IARS1: variants seen among roughly 807,000 people sequenced by gnomAD.
IARS1 encodes isoleucine--tRNA ligase, cytoplasmic.
Under a neutral mutation model 168.2 loss-of-function variants are expected in IARS1, and 124 were observed. The observed-to-expected ratio is 0.74, with a 90% CI of 0.64 to 0.86. IARS1 has a LOEUF of 0.86. Among genes scored for constraint, IARS1 ranks in the 40% least tolerant of loss-of-function variants. IARS1 has a pLI of 0.00. For missense variants in IARS1, 1,452 were observed against 1,515.8 expected (o/e 0.96, Z 0.70); for synonymous variants, 532 against 529.4 (o/e 1.00, Z -0.07).
chr9:92,262,363 A>G (rs1831645269), intron 17 of IARS1, among the ~76,000 whole-genome samples: 1 of 152,160 alleles, frequency 6.6e-6, no homozygotes, highest in African/African-American at 2.4e-5. Context: ...CTGTGTGGGT[A>G]CTCAGCACAA....
chr9:92,266,467 C>G (rs1030640498), intron 14 of IARS1, among the ~76,000 whole-genome samples: 7 of 152,234 alleles, frequency 4.6e-5, no homozygotes, highest in African/African-American at 1.4e-4. Flanking sequence ...CAAACCTGTA[C>G]AGCATGTGGC....
chr9:92,277,895 T>C lies in IARS1; in HGVS notation c.862A>G (p.Lys288Glu). ...RFPGAYLKGKKYRPLFDYFLK... is the reference protein window; with the variant it reads ...RFPGAYLKGKEYRPLFDYFLK... ...AAATAGTCAAACAGGGGCCTGTACT[T>C]CTTGCCTTTAAGATAGGCACCAGGA... The change falls in exon 9 of 34, where the codon AAG becomes GAG. Residue 288 changes from lysine (K) to glutamate (E), a missense_variant. Transcript: ENST00000443024. 1 of 1,613,892 alleles carries C rather than the reference T, an allele frequency of 6.2e-7. No homozygotes were observed. Among genetic ancestry groups the C allele is most frequent in the Non-Finnish European group, 8.5e-7 (1 of 1,179,922 alleles).
intron 16 of IARS1, among the ~76,000 whole-genome samples, chr9:92,263,595 C>A (rs1458713275): frequency 6.6e-6 from 1 of 152,192 alleles, no homozygotes; most frequent in Admixed American, 6.5e-5. Context: ...GCCTCTCTTA[C>A]CTAGTCCTGC....
At position 92,245,039 on chromosome 9, in the gene IARS1, C is replaced by T. The variant is rs1828982280; in HGVS notation, c.2824G>A (p.Asp942Asn). The T allele has an allele frequency of 1.2e-5, 19 of 1,614,170 alleles. No individual in the cohort carries two copies. The highest frequency in any genetic ancestry group is 1.5e-5 in the Non-Finnish European group (18 of 1,180,010). The change falls in exon 27 of 34, where the codon GAT (aspartate) becomes AAT (asparagine). Residue 942 changes from aspartate to asparagine, a missense_variant. Coordinates refer to ENST00000443024, the MANE Select transcript of IARS1 (RefSeq NM_002161.6). ...GTGTACATGAGGCGGATGTCTTCAT[C>T]GTGCAATTCATGGCCTTCCACAACA... ...TIVVEGHELH[D>N]EDIRLMYTFD...
intron 6 of IARS1, among the ~76,000 whole-genome samples, chr9:92,283,621 T>G (rs1834983416): frequency 6.6e-6 from 1 of 152,120 alleles, no homozygotes; most frequent in African/African-American, 2.4e-5. Flanking sequence ...AGCCTGGGCA[T>G]CAGAGTGAGA....
At chr9:92,285,164 CA>C (rs757165354) in intron 6 of IARS1, among the ~76,000 whole-genome samples, 219 of 152,292 alleles carry the variant, frequency 1.4e-3, no homozygotes, top group Admixed American at 1.9e-3. Context: ...AGAGATGGTT[CA>C]CATTTCAGAA....
Position 92,293,660 on chromosome 9 carries a change from A to C in IARS1, c.-57T>G. The C allele has an allele frequency of 3.5e-6, 1 of 284,640 alleles. No homozygotes were observed. Among genetic ancestry groups the C allele is most frequent in the Admixed American group, 4.4e-5 (1 of 22,602 alleles). The allele number at this position is 284,640 out of a possible 1,614,324, so 17.6% of individuals were successfully genotyped here. A position where few individuals can be genotyped will look rare whatever the true frequency, so the allele number is the denominator to read the frequency against. On this transcript the variant is annotated 5_prime_UTR_variant, in exon 1 of 34. Coordinates refer to ENST00000443024, the MANE Select transcript of IARS1 (RefSeq NM_002161.6). ...AGCCCCGCGGGCCAGCAAGCCTAAAAGCAACTCATCCGGCGTCCACGCTGC... is the reference window on the plus strand; with the variant it reads ...AGCCCCGCGGGCCAGCAAGCCTAAACGCAACTCATCCGGCGTCCACGCTGC...
chr9:92,273,504 A>G (rs1382423453), intron 10 of IARS1, among the ~76,000 whole-genome samples: 1 of 152,230 alleles, frequency 6.6e-6, no homozygotes, highest in Non-Finnish European at 1.5e-5. Flanking sequence ...AAAACGAGAG[A>G]TTGCCAAAAC....
intron 33 of IARS1, among the ~76,000 whole-genome samples, chr9:92,222,092 C>T (rs1395002057): frequency 6.6e-5 from 10 of 151,926 alleles, no homozygotes; most frequent in African/African-American, 2.2e-4. Flanking sequence ...CCGAGGTGGG[C>T]GGATCACCTG....
intron 31 of IARS1, among the ~76,000 whole-genome samples, chr9:92,224,988 C>A (rs1825434269): frequency 6.6e-6 from 1 of 152,144 alleles, no homozygotes; most frequent in Non-Finnish European, 1.5e-5. Flanking sequence ...TACTTCCACT[C>A]CCTAAGGCTG....
intron 4 of IARS1, 55 bp downstream of exon 4, chr9:92,287,736 T>C (rs1057305120): frequency 4.5e-6 from 7 of 1,555,014 alleles, no homozygotes; most frequent in South Asian, 2.4e-5. Flanking sequence ...ACCATTTCAA[T>C]GCCCATTTAG....
intron 29 of IARS1, 53 bp downstream of exon 29, chr9:92,242,101 T>C: frequency 7.0e-7 from 1 of 1,420,458 alleles, no homozygotes; most frequent in Non-Finnish European, 9.8e-7. Context: ...GTACACAAAG[T>C]CAAACCTAAT....
At chr9:92,262,134 A>C (rs1313042712) in intron 17 of IARS1, among the ~76,000 whole-genome samples, 2 of 151,888 alleles carry the variant, frequency 1.3e-5, no homozygotes, top group Non-Finnish European at 2.9e-5. Flanking sequence ...ATTTGCATTT[A>C]CCACTCATTT....
intron 1 of IARS1, 45 bp from the exon 2 acceptor site, chr9:92,289,471 G>C (rs765496524): frequency 1.2e-5 from 10 of 831,040 alleles, no homozygotes; most frequent in Non-Finnish European, 2.1e-5. Flanking sequence ...AGAAATCTAG[G>C]AATAACAGAG....
rs532375511 is a variant in IARS1 at position 92,213,260 on chromosome 9, G to A, written c.3707-2371C>T. On this transcript the variant is annotated intron_variant, in intron 33 of 33. Coordinates refer to ENST00000443024, the MANE Select transcript of IARS1 (RefSeq NM_002161.6). ...GGAAAGCAGGGAAAGAAAAGCCTCC[G>A]GTATATACAAACCGGGAAGTCCAAC... 6.6e-5 allele frequency among the ~76,000 whole-genome samples: 10 copies of A among 152,166 alleles called. No individual in the cohort carries two copies. In the East Asian group the frequency reaches 1.9e-3, roughly 29 times the overall value.
intron 6 of IARS1, among the ~76,000 whole-genome samples, chr9:92,283,521 G>A (rs776168757): frequency 5.9e-5 from 9 of 152,070 alleles, no homozygotes; most frequent in South Asian, 4.1e-4. Context: ...GCGGGCACCC[G>A]TAATCCCAGC....
rs762361972 is a variant in IARS1, at chr9:92,285,729, T to C, written c.590A>G (p.Asn197Ser). The change falls in exon 6 of 34, where the codon AAT (asparagine) becomes AGT (serine). Residue 197 changes from asparagine to serine, a missense_variant. Coordinates refer to ENST00000443024, the MANE Select transcript of IARS1 (RefSeq NM_002161.6). ...TCTCTACATTTCACGTACCTTATAA[T>C]TCTGGTGTGACTCGAAGTTGGAAAG... ...TPLSNFESHQ[N>S]YKDVQDPSVF... 6.9e-6 allele frequency: 11 copies of C among 1,589,850 alleles called. No homozygotes were observed. Among genetic ancestry groups the C allele is most frequent in the Non-Finnish European group, 9.5e-6 (11 of 1,157,926 alleles).
rs771297492 is a variant in IARS1 at position 92,278,205 on chromosome 9, A to C, written c.827T>G (p.Leu276Arg). The C allele has an allele frequency of 6.3e-7, 1 of 1,587,100 alleles. No individual in the cohort carries two copies. Among genetic ancestry groups the C allele is most frequent in the South Asian group, 1.1e-5 (1 of 90,532 alleles). The change falls in exon 8 of 34, where the codon CTT (leucine) becomes CGT (arginine). Residue 276 changes from leucine to arginine, a missense_variant. By Grantham distance (102) the Leu-to-Arg change is moderately radical. Transcript: ENST00000443024. ...CAACTATTTGAATATTCACCTTTCAAGGATCTCATAGTCACTCTCCAATTT... is the reference window on the plus strand; with the variant it reads ...CAACTATTTGAATATTCACCTTTCACGGATCTCATAGTCACTCTCCAATTT... The part of the protein sequence containing the change: ...LYKLESDYEI[L>R]ERFPGAYLKG...
chr9:92,276,438 C>T (rs1457875124), intron 9 of IARS1, among the ~76,000 whole-genome samples: 2 of 152,118 alleles, frequency 1.3e-5, no homozygotes, highest in Non-Finnish European at 2.9e-5. Flanking sequence ...TGGTAAATAA[C>T]TAACGCCTGT....
Sources: gnomAD v4.1 joint callset for allele counts (sites outside exome capture counted in the v4.1 genomes callset) on GRCh38, gnomAD v4.1.1 for gene constraint, MANE v1.5 for transcripts, NCBI Gene and HGNC (gene_info 2026-07-23, HGNC 2026-07-21) for gene names.